The following VEZT variants were observed in gnomAD, a reference collection of about 807,000 sequenced individuals.
VEZT encodes vezatin, adherens junctions transmembrane protein, also known as vezatin.
In VEZT, 39 loss-of-function variants were observed where a neutral mutation model predicts 79.9. The observed-to-expected ratio is 0.49, with a 90% CI of 0.38 to 0.64. VEZT has a LOEUF of 0.64. VEZT is among the 30% of genes least tolerant of loss of function. The pLI is 0.00. For synonymous variants in VEZT, 325 were observed against 327.6 expected (o/e 0.99, Z 0.09); for missense variants, 837 against 893.1 (o/e 0.94, Z 0.80).
chr12:95,252,118 C>T (rs889207085), intron 2 of VEZT, 47 bp downstream of exon 2: 2 of 1,571,946 alleles, frequency 1.3e-6, no homozygotes, highest in South Asian at 1.2e-5. Flanking sequence ...TTGCACTTTA[C>T]CTTACTGGCT....
intron 8 of VEZT, among the ~76,000 whole-genome samples, chr12:95,283,553 A>G (rs1337466559): frequency 6.6e-6 from 1 of 152,250 alleles, no homozygotes. Flanking sequence ...GAATGGGTCA[A>G]AAGGACTTGA....
intron 2 of VEZT, among the ~76,000 whole-genome samples, chr12:95,254,991 G>A (rs1391553479): frequency 2.6e-5 from 4 of 151,808 alleles, no homozygotes; most frequent in African/African-American, 4.8e-5. Flanking sequence ...CAGGCTTCTC[G>A]TTGGCTTGAT....
chr12:95,258,416 G>A (rs1365674566), intron 3 of VEZT: 1 of 315,692 alleles, frequency 3.2e-6, no homozygotes, highest in Non-Finnish European at 6.6e-6. Context: ...GCCAGCTTCT[G>A]TATGCATCCC....
At chr12:95,277,088 C>A (rs1336298996) in intron 7 of VEZT, among the ~76,000 whole-genome samples, 1 of 152,162 alleles carries the variant, frequency 6.6e-6, no homozygotes, top group Admixed American at 6.6e-5. Flanking sequence ...TAGGCTGCTG[C>A]AGTACTTTCC....
At chr12:95,244,021 T>C in intron 1 of VEZT, 1 of 455,840 alleles carries the variant, frequency 2.2e-6, no homozygotes, top group South Asian at 1.6e-5. Context: ...TAAGCTTCTT[T>C]CTTTATAAAA....
chr12:95,225,379 C>T (rs1377909362), intron 1 of VEZT, among the ~76,000 whole-genome samples: 1 of 151,936 alleles, frequency 6.6e-6, no homozygotes, highest in East Asian at 1.9e-4. Flanking sequence ...GCTGTGAAAC[C>T]CCATCTCTAG....
At chr12:95,258,280 G>A (rs2063787641) in intron 3 of VEZT, 1 of 455,698 alleles carries the variant, frequency 2.2e-6, no homozygotes, top group African/African-American at 2.0e-5. Context: ...TACTAGGACT[G>A]TGGTAAGGTA....
At chr12:95,218,013 A>ACC (rs2056947071) in intron 1 of VEZT, 127 bp downstream of exon 1, 1 of 948,922 alleles carries the variant, frequency 1.1e-6, no homozygotes. Flanking sequence ...CGACCACCGA[A>ACC]CCCCAGCGAT....
chr12:95,263,172 T>C, intron 4 of VEZT, 91 bp downstream of exon 4: 1 of 1,158,038 alleles, frequency 8.6e-7, no homozygotes, highest in Non-Finnish European at 1.2e-6. Flanking sequence ...TGTAAAGGCA[T>C]AAACATTCCA....
At chr12:95,278,320 TCA>T (rs1203795167) in intron 7 of VEZT, among the ~76,000 whole-genome samples, 2 of 152,240 alleles carry the variant, frequency 1.3e-5, no homozygotes, top group Non-Finnish European at 2.9e-5. Flanking sequence ...TTTTGCTCAC[TCA>T]CAGTGTTTTA....
chr12:95,287,907 C>G, intron 9 of VEZT, 50 bp downstream of exon 9: 2 of 1,467,678 alleles, frequency 1.4e-6, no homozygotes, highest in Non-Finnish European at 1.8e-6. Context: ...ATGCTTATTC[C>G]ACTCTGGTAG....
At chr12:95,250,537 A>T (rs1157104837) in intron 1 of VEZT, among the ~76,000 whole-genome samples, 1 of 151,918 alleles carries the variant, frequency 6.6e-6, no homozygotes, top group African/African-American at 2.4e-5. Context: ...TCCTGACCTC[A>T]GATGATCTGC....
At chr12:95,234,957 A>G (rs898230067) in intron 1 of VEZT, among the ~76,000 whole-genome samples, 2 of 152,186 alleles carry the variant, frequency 1.3e-5, no homozygotes, top group South Asian at 4.2e-4. Context: ...CATGTTTCAG[A>G]GAGCACAGGG....
At chr12:95,267,980 C>G (rs766097014) in intron 5 of VEZT, among the ~76,000 whole-genome samples, 56 of 151,868 alleles carry the variant, frequency 3.7e-4, no homozygotes, top group Non-Finnish European at 7.5e-4. Flanking sequence ...CAAGATTGTG[C>G]CACTGCACTC....
At chr12:95,248,892 A>G (rs1444742433) in intron 1 of VEZT, among the ~76,000 whole-genome samples, 1 of 152,112 alleles carries the variant, frequency 6.6e-6, no homozygotes, top group Non-Finnish European at 1.5e-5. Flanking sequence ...GAATCAGCAA[A>G]TTAAGGTTTT....
intron 3 of VEZT, among the ~76,000 whole-genome samples, chr12:95,261,768 A>G (rs2064551637): frequency 6.6e-6 from 1 of 152,234 alleles, no homozygotes; most frequent in South Asian, 2.1e-4. Flanking sequence ...GAGGCAGACT[A>G]TATGCAGGGA....
At chr12:95,287,125 A>C (rs12826627) in intron 8 of VEZT, among the ~76,000 whole-genome samples, 17,061 of 152,210 alleles carry the variant, frequency 0.11, 1,054 homozygotes, top group East Asian at 0.25. Flanking sequence ...GTATGTATGC[A>C]AGAAATATTT....
At chr12:95,247,861 T>C (rs1236623071) in intron 1 of VEZT, among the ~76,000 whole-genome samples, 1 of 152,170 alleles carries the variant, frequency 6.6e-6, no homozygotes, top group African/African-American at 2.4e-5. Flanking sequence ...TTACATGTGT[T>C]AGGAAGTAAT....
intron 5 of VEZT, 154 bp from the exon 6 acceptor site, chr12:95,269,897 G>A (rs539330797): frequency 1.6e-5 from 12 of 755,592 alleles, no homozygotes; most frequent in Non-Finnish European, 2.1e-5. Context: ...TATTTTATGA[G>A]ACCTGAGTTG....
Sources: allele counts gnomAD v4.1 joint callset (sites outside exome capture counted in the v4.1 genomes callset), GRCh38; gene constraint gnomAD v4.1.1; transcripts MANE v1.5; gene names NCBI Gene and HGNC (gene_info 2026-07-23, HGNC 2026-07-21).